Variants in NSUN6 observed in about 807,000 individuals in gnomAD.
The protein encoded by NSUN6 is tRNA (cytosine(72)-C(5))-methyltransferase NSUN6.
In NSUN6, 64 loss-of-function variants were observed where a neutral mutation model predicts 58.0. The ratio of observed to expected loss-of-function variants is 1.10; its 90% CI spans 0.90 to 1.36. The LOEUF is 1.36. NSUN6 is among the 40% of genes most tolerant of loss of function. The probability of loss-of-function intolerance (pLI) is 0.00; values close to 1 mark genes in which losing one functional copy is unlikely to be tolerated. For synonymous variants in NSUN6, 231 were observed against 193.9 expected (o/e 1.19, Z -1.59); for missense variants, 701 against 550.1 (o/e 1.27, Z -2.74).
chr10:18,613,200 G>A (rs963253430), intron 5 of NSUN6, among the ~76,000 whole-genome samples: 11 of 152,118 alleles, frequency 7.2e-5, no homozygotes, highest in South Asian at 2.1e-4. Context: ...GGGTTCAAGC[G>A]ATTCTCCTGC....
At chr10:18,555,423 G>A (rs534904059) in intron 8 of NSUN6, among the ~76,000 whole-genome samples, 2 of 151,234 alleles carry the variant, frequency 1.3e-5, no homozygotes, top group Admixed American at 6.6e-5. Flanking sequence ...AGAATGCTAT[G>A]GAATGCATTG....
At chr10:18,556,153 A>G (rs2055001933) in intron 8 of NSUN6, among the ~76,000 whole-genome samples, 1 of 151,622 alleles carries the variant, frequency 6.6e-6, no homozygotes, top group Non-Finnish European at 1.5e-5. Context: ...ATGGAATGGA[A>G]TGGAGAATGG....
At position 18,651,262 on chromosome 10, in the gene NSUN6, T is replaced by C. The variant is rs2059697695; in HGVS notation, c.-59A>G. On this transcript the variant is annotated 5_prime_UTR_variant, in exon 1 of 11. Coordinates refer to ENST00000377304, the MANE Select transcript of NSUN6 (RefSeq NM_182543.5). ...TGCTGGAAAACGGTGTTTTGTTTTT[T>C]TTTTTCTTTCCGAATTAATAGTGAC... 6.6e-7 allele frequency: 1 copy of C among 1,503,764 alleles called. No homozygotes were observed. The highest frequency in any genetic ancestry group is 2.5e-5 in the Admixed American group (1 of 39,412). The allele number at this position is 1,503,764 out of a possible 1,614,324, so 93.2% of individuals were successfully genotyped here. A position where few individuals can be genotyped will look rare whatever the true frequency, so the allele number is the denominator to read the frequency against.
intron 8 of NSUN6, among the ~76,000 whole-genome samples, chr10:18,582,442 G>A (rs1041412954): frequency 1.3e-5 from 2 of 152,166 alleles, no homozygotes; most frequent in African/African-American, 4.8e-5. Flanking sequence ...GCAATTAAGA[G>A]GAGGCTGGGA....
intron 8 of NSUN6, among the ~76,000 whole-genome samples, chr10:18,582,833 A>G (rs566757907): frequency 1.3e-5 from 2 of 152,246 alleles, no homozygotes; most frequent in Non-Finnish European, 2.9e-5. Context: ...TCAGCTGCAC[A>G]TGCTGAAGGA....
chr10:18,598,120 A>G (rs1389005743), intron 6 of NSUN6, among the ~76,000 whole-genome samples: 1 of 152,180 alleles, frequency 6.6e-6, no homozygotes, highest in Non-Finnish European at 1.5e-5. Context: ...CCCCACTCTC[A>G]TCAATGTACC....
chr10:18,577,788 T>TACCTGCTCCTCCCTGACTCATTCTGATC (rs1249828459), intron 8 of NSUN6, among the ~76,000 whole-genome samples: 2 of 152,224 alleles, frequency 1.3e-5, no homozygotes, highest in Non-Finnish European at 1.5e-5. Context: ...TCATTCTGAT[T>TACCTGCTCCTCCCTGACTCATTCTGATC]ACCTGCTCCT....
chr10:18,600,997 A>T (rs1444371338), intron 6 of NSUN6, among the ~76,000 whole-genome samples: 3 of 92,686 alleles, frequency 3.2e-5, no homozygotes, highest in South Asian at 3.9e-4. Context: ...TATATATTAT[A>T]TACTAGCTGC....
At chr10:18,621,387 T>C (rs1044808866) in intron 3 of NSUN6, among the ~76,000 whole-genome samples, 7 of 152,210 alleles carry the variant, frequency 4.6e-5, no homozygotes, top group African/African-American at 1.7e-4. Flanking sequence ...TGTGCTGAAT[T>C]CCCTAATTCC....
intron 8 of NSUN6, among the ~76,000 whole-genome samples, chr10:18,558,544 G>A (rs1202719296): frequency 7.1e-6 from 1 of 141,812 alleles, no homozygotes; most frequent in East Asian, 2.4e-4. Flanking sequence ...GAATGGAATG[G>A]AATGCAGTAG....
chr10:18,550,069 G>C (rs1260681960), intron 9 of NSUN6, among the ~76,000 whole-genome samples: 1 of 152,188 alleles, frequency 6.6e-6, no homozygotes, highest in East Asian at 1.9e-4. Context: ...ATGCCAAATG[G>C]CAAACCTGCT....
At chr10:18,571,313 C>T (rs964613101) in intron 8 of NSUN6, among the ~76,000 whole-genome samples, 1 of 150,170 alleles carries the variant, frequency 6.7e-6, no homozygotes. Context: ...ATTCCATTCC[C>T]TTCTTTTCTC....
At chr10:18,658,172 T>A (rs1238602904), upstream of NSUN6, 1 of 152,210 alleles carries the variant, frequency 6.6e-6, no homozygotes, top group Non-Finnish European at 1.5e-5. Context: ...TAAGTTTGCA[T>A]AGGGTCAGTA....
At chr10:18,649,867 A>T (rs1016958369) in intron 1 of NSUN6, among the ~76,000 whole-genome samples, 6 of 152,180 alleles carry the variant, frequency 3.9e-5, no homozygotes, top group African/African-American at 1.4e-4. Context: ...AGTCCCTTGA[A>T]ATCAACAGAA....
chr10:18,639,731 G>A (rs1247549657), intron 3 of NSUN6, among the ~76,000 whole-genome samples: 2 of 152,178 alleles, frequency 1.3e-5, no homozygotes, highest in African/African-American at 4.8e-5. Context: ...CCATGTAAAA[G>A]TAAGTATTGA....
chr10:18,619,779 T>C (rs1017444619), intron 3 of NSUN6, among the ~76,000 whole-genome samples: 2 of 152,236 alleles, frequency 1.3e-5, no homozygotes, highest in Admixed American at 1.3e-4. Flanking sequence ...CTGAAACTTT[T>C]GACTGTCAGT....
chr10:18,593,807 T>C (rs947632682), intron 7 of NSUN6, among the ~76,000 whole-genome samples: 4 of 151,366 alleles, frequency 2.6e-5, no homozygotes, highest in Admixed American at 6.6e-5. Flanking sequence ...CTAACCATCA[T>C]GGCACATGTA....
chr10:18,610,187 G>A (rs1394131364), intron 5 of NSUN6, among the ~76,000 whole-genome samples: 1 of 152,014 alleles, frequency 6.6e-6, no homozygotes, highest in Non-Finnish European at 1.5e-5. Context: ...CAAGCGTGGT[G>A]ACAGGCTGTA....
chr10:18,657,517 GAAGTATAAT>G (rs2131627903), upstream of NSUN6, among the ~76,000 whole-genome samples: 1 of 152,274 alleles, frequency 6.6e-6, no homozygotes, highest in Non-Finnish European at 1.5e-5. Context: ...GTTAAAAGTA[GAAGTATAAT>G]TCAAACTTAC....
Sources: allele counts gnomAD v4.1 joint callset (sites outside exome capture counted in the v4.1 genomes callset), GRCh38; gene constraint gnomAD v4.1.1; transcripts MANE v1.5; gene names NCBI Gene and HGNC (gene_info 2026-07-23, HGNC 2026-07-21).